The following PLXDC2 variants were observed in gnomAD, a reference collection of about 807,000 sequenced individuals.
PLXDC2 encodes the protein plexin domain-containing protein 2.
In PLXDC2, 40 loss-of-function variants were observed where a neutral mutation model predicts 68.9. That is an observed-to-expected ratio of 0.58 (90% CI 0.45 to 0.76). The LOEUF is 0.76. Ranked by LOEUF, PLXDC2 falls within the 30% of genes least tolerant of loss-of-function variation. PLXDC2 has a pLI of 0.00. For missense variants in PLXDC2, 644 were observed against 661.9 expected (o/e 0.97, Z 0.30); for synonymous variants, 243 against 234.2 (o/e 1.04, Z -0.34).
intron 6 of PLXDC2, among the ~76,000 whole-genome samples, chr10:20,151,988 T>C (rs1221574516): frequency 6.6e-6 from 1 of 152,088 alleles, no homozygotes; most frequent in Non-Finnish European, 1.5e-5. Context: ...CCATTAAATT[T>C]TACATTAAAA....
At chr10:19,930,772 G>A (rs957527483) in intron 1 of PLXDC2, among the ~76,000 whole-genome samples, 3 of 152,118 alleles carry the variant, frequency 2.0e-5, no homozygotes, top group African/African-American at 7.2e-5. Context: ...AGGCCAGCCT[G>A]ACCAACAAGG....
chr10:20,044,207 C>CTGTCTT (rs1409929525), intron 2 of PLXDC2, among the ~76,000 whole-genome samples: 14 of 89,996 alleles, frequency 1.6e-4, no homozygotes, highest in Admixed American at 4.9e-4. Flanking sequence ...CTCTCTCTCT[C>CTGTCTT]TCTGTCTTTC....
At chr10:20,222,592 A>G (rs982598357) in intron 12 of PLXDC2, among the ~76,000 whole-genome samples, 3 of 152,230 alleles carry the variant, frequency 2.0e-5, no homozygotes, top group African/African-American at 7.2e-5. Flanking sequence ...AAGGAACATG[A>G]AAAATTGAAA....
intron 4 of PLXDC2, among the ~76,000 whole-genome samples, chr10:20,097,116 T>C (rs1833359978): frequency 1.3e-5 from 2 of 152,184 alleles, no homozygotes; most frequent in Admixed American, 6.6e-5. Flanking sequence ...TGAATTGATC[T>C]AGAGGCATTT....
chr10:20,253,322 G>A (rs1478657786), intron 13 of PLXDC2, among the ~76,000 whole-genome samples: 7 of 150,986 alleles, frequency 4.6e-5, no homozygotes, highest in African/African-American at 1.7e-4. Flanking sequence ...CCAAGATCAC[G>A]CCACTGCACT....
At chr10:20,080,727 G>C (rs1341414862) in intron 4 of PLXDC2, among the ~76,000 whole-genome samples, 1 of 152,084 alleles carries the variant, frequency 6.6e-6, no homozygotes, top group Non-Finnish European at 1.5e-5. Context: ...CATCCTCACA[G>C]ACACAGCCAG....
At chr10:20,223,776 T>C (rs1835249932) in intron 12 of PLXDC2, among the ~76,000 whole-genome samples, 1 of 152,174 alleles carries the variant, frequency 6.6e-6, no homozygotes. Flanking sequence ...ATTTAATCCT[T>C]TCTGTGAAAA....
chr10:20,238,368 C>A (rs577252948), intron 12 of PLXDC2, among the ~76,000 whole-genome samples: 2 of 150,968 alleles, frequency 1.3e-5, no homozygotes, highest in African/African-American at 4.9e-5. Context: ...TTCTCTTGGC[C>A]AGGTGCGGTG....
chr10:19,920,866 G>A (rs1214346555), intron 1 of PLXDC2, among the ~76,000 whole-genome samples: 1 of 151,988 alleles, frequency 6.6e-6, no homozygotes, highest in African/African-American at 2.4e-5. Flanking sequence ...CCTTTATTCT[G>A]TTTAAGTGAA....
chr10:20,147,486 G>T (rs1171957156), intron 5 of PLXDC2, among the ~76,000 whole-genome samples: 2 of 152,204 alleles, frequency 1.3e-5, no homozygotes, highest in African/African-American at 4.8e-5. Context: ...AATTTAAGCA[G>T]ACAGTATCTA....
chr10:19,998,391 C>G (rs143317103), intron 1 of PLXDC2, among the ~76,000 whole-genome samples: 91 of 152,214 alleles, frequency 6.0e-4, no homozygotes, highest in African/African-American at 2.1e-3. Flanking sequence ...GAAGTGGGAT[C>G]AAAATCTAAC....
intron 4 of PLXDC2, among the ~76,000 whole-genome samples, chr10:20,088,327 A>G (rs1833228759): frequency 1.3e-5 from 2 of 152,218 alleles, no homozygotes; most frequent in Non-Finnish European, 2.9e-5. Context: ...GCAAATGAGA[A>G]TTTGTAGCCT....
chr10:20,221,336 C>T (rs1835209636), intron 12 of PLXDC2, among the ~76,000 whole-genome samples: 1 of 152,038 alleles, frequency 6.6e-6, no homozygotes, highest in Non-Finnish European at 1.5e-5. Flanking sequence ...TAAGTAAATC[C>T]TACGATTTAA....
chr10:20,069,236 A>C (rs1836275043), intron 4 of PLXDC2, among the ~76,000 whole-genome samples: 1 of 152,182 alleles, frequency 6.6e-6, no homozygotes, highest in Non-Finnish European at 1.5e-5. Flanking sequence ...AAATATCAAC[A>C]AGTAACTGGA....
rs1486392887 is a variant in PLXDC2 at position 19,905,391 on chromosome 10, C to A, written c.112+88200C>A. Reference sequence around the variant, plus strand: ...GCAAAACTGATATTTTTAAGCCATTCTTTGTAAATATTATTTCTCCTAACT... The same window carrying A: ...GCAAAACTGATATTTTTAAGCCATTATTTGTAAATATTATTTCTCCTAACT... On this transcript the variant is annotated intron_variant, in intron 1 of 13. Coordinates refer to ENST00000377252, the MANE Select transcript of PLXDC2 (RefSeq NM_032812.9). Among the ~76,000 whole-genome samples, 3 of 152,178 alleles carry A rather than the reference C, an allele frequency of 2.0e-5. No homozygotes were observed. In the East Asian group the frequency reaches 5.8e-4, roughly 29 times the overall value.
intron 1 of PLXDC2, among the ~76,000 whole-genome samples, chr10:19,963,070 C>G (rs889381002): frequency 1.3e-5 from 2 of 151,826 alleles, no homozygotes; most frequent in African/African-American, 4.8e-5. Context: ...CCTCCCTTCC[C>G]TATCTATGGA....
At chr10:20,143,486 A>C in intron 5 of PLXDC2, 69 bp downstream of exon 5, 2 of 1,585,068 alleles carry the variant, frequency 1.3e-6, no homozygotes, top group South Asian at 2.2e-5. Context: ...ATTCATGTTA[A>C]TGTTTTTGTA....
chr10:20,110,879 T>C (rs985827122), intron 4 of PLXDC2, among the ~76,000 whole-genome samples: 2 of 152,184 alleles, frequency 1.3e-5, no homozygotes, highest in East Asian at 1.9e-4. Flanking sequence ...GTTTGAGCCA[T>C]CCCTCCCTTT....
intron 4 of PLXDC2, among the ~76,000 whole-genome samples, chr10:20,105,048 C>CAA (rs11289832): frequency 0.042 from 4,054 of 96,944 alleles, 97 homozygotes; most frequent in Non-Finnish European, 0.054. Flanking sequence ...AGACTCCATC[C>CAA]AAAAAAAAAA....
Sources: allele counts gnomAD v4.1 joint callset (sites outside exome capture counted in the v4.1 genomes callset), GRCh38; gene constraint gnomAD v4.1.1; transcripts MANE v1.5; gene names NCBI Gene and HGNC (gene_info 2026-07-23, HGNC 2026-07-21).